Variants in DTNA observed in about 807,000 individuals in gnomAD.
DTNA encodes the protein dystrophin-related protein 3.
Under a neutral mutation model 100.7 loss-of-function variants are expected in DTNA, and 43 were observed. The ratio of observed to expected loss-of-function variants is 0.43; its 90% confidence interval spans 0.33 to 0.55. The LOEUF is 0.55. Among genes scored for constraint, DTNA ranks in the 20% least tolerant of loss-of-function variants. The pLI is 0.04. For missense variants in DTNA, 798 were observed against 953.9 expected (o/e 0.84, Z 2.15); for synonymous variants, 349 against 347.9 (o/e 1.00, Z -0.04).
At chr18:34,853,664 A>G (rs893714799) in intron 15 of DTNA, among the ~76,000 whole-genome samples, 2 of 152,170 alleles carry the variant, frequency 1.3e-5, no homozygotes, top group African/African-American at 4.8e-5. Flanking sequence ...AAAAAAATTT[A>G]AAAATAAAAT....
At chr18:34,843,362 T>A (rs1018869393) in intron 13 of DTNA, among the ~76,000 whole-genome samples, 9 of 152,148 alleles carry the variant, frequency 5.9e-5, no homozygotes, top group Admixed American at 2.0e-4. Flanking sequence ...AATTTTTTTT[T>A]AATTTTAATG....
At chr18:34,630,483 A>G (rs1281882240) in intron 1 of DTNA, among the ~76,000 whole-genome samples, 2 of 152,204 alleles carry the variant, frequency 1.3e-5, no homozygotes, top group Non-Finnish European at 2.9e-5. Flanking sequence ...AAGAAAATGA[A>G]GAGTTGGGAA....
intron 17 of DTNA, chr18:34,866,955 G>A: frequency 8.6e-7 from 1 of 1,165,904 alleles, no homozygotes; most frequent in South Asian, 4.4e-5. Context: ...TCAGGCTCAA[G>A]AGCCAGCAGG....
intron 1 of DTNA, among the ~76,000 whole-genome samples, chr18:34,647,122 T>C (rs1018328330): frequency 2.6e-5 from 4 of 151,866 alleles, no homozygotes; most frequent in Non-Finnish European, 4.4e-5. Flanking sequence ...ATGGTTCCTC[T>C]TTAGGAAGCA....
At chr18:34,820,944 GA>G in intron 9 of DTNA, 29 bp downstream of exon 9, 1 of 1,609,120 alleles carries the variant, frequency 6.2e-7, no homozygotes, top group Non-Finnish European at 8.5e-7. Context: ...CCAGTATAGA[GA>G]CAATTTTCTT....
At chr18:34,855,597 T>G (rs1300287900) in intron 15 of DTNA, among the ~76,000 whole-genome samples, 5 of 152,226 alleles carry the variant, frequency 3.3e-5, no homozygotes, top group African/African-American at 1.2e-4. Flanking sequence ...CTCTTGTTCT[T>G]TCCTTCCTCC....
Position 34,713,806 on chromosome 18 carries a change from G to C in DTNA, c.-2+3361G>C, listed in dbSNP as rs954964712. ...TCCTCTTTTATTTCCTTGAGCAGTG[G>C]TTTGTAGTTCTCCTTGAAGAGGTCC... On this transcript the variant is annotated intron_variant, in intron 1 of 22. Coordinates refer to ENST00000444659, the MANE Select transcript of DTNA (RefSeq NM_001386795.1). Among the ~76,000 whole-genome samples the C allele has an allele frequency of 2.6e-5, 4 of 151,984 alleles. No individual in the cohort carries two copies. In the South Asian group the frequency reaches 8.3e-4, roughly 32 times the overall value.
At chr18:34,627,850 G>T (rs1315849866) in intron 1 of DTNA, among the ~76,000 whole-genome samples, 2 of 152,134 alleles carry the variant, frequency 1.3e-5, no homozygotes, top group Non-Finnish European at 2.9e-5. Flanking sequence ...TTCAATTTTT[G>T]ACTTCCCAGT....
chr18:34,674,549 A>G (rs1049431550), intron 1 of DTNA, among the ~76,000 whole-genome samples: 2 of 152,168 alleles, frequency 1.3e-5, no homozygotes, highest in Admixed American at 6.5e-5. Context: ...TCCAAGGGCC[A>G]TGATTCCAAA....
Position 34,794,155 on chromosome 18 carries a change from T to C in DTNA, c.267T>C (p.Phe89=), listed in dbSNP as rs2149041135. ...TAGAGGCTGTGCTCTCCACTATTTT[T>C]TACCAGCTCAACAAACGGATGCCAA... ...SRLEAVLSTI[F]YQLNKRMPTT... Residue 89 remains phenylalanine (F), a synonymous_variant, in exon 4 of 23, where the codon TTT becomes TTC. Coordinates refer to ENST00000444659, the MANE Select transcript of DTNA (RefSeq NM_001386795.1). 2 of 1,614,136 alleles carry C rather than the reference T, an allele frequency of 1.2e-6. No individual in the cohort carries two copies. Among genetic ancestry groups the C allele is most frequent in the Non-Finnish European group, 1.7e-6 (2 of 1,180,012 alleles).
intron 1 of DTNA, among the ~76,000 whole-genome samples, chr18:34,750,929 C>G (rs1363068540): frequency 6.6e-6 from 1 of 152,208 alleles, no homozygotes; most frequent in Non-Finnish European, 1.5e-5. Flanking sequence ...CACATTTCTT[C>G]TAACACTGTA....
At chr18:34,546,879 T>G (rs2044842871) in intron 1 of DTNA, among the ~76,000 whole-genome samples, 1 of 151,930 alleles carries the variant, frequency 6.6e-6, no homozygotes, top group African/African-American at 2.4e-5. Flanking sequence ...CTGGCTAATT[T>G]TTGTACTTTT....
chr18:34,543,803 A>T (rs1234921949), intron 1 of DTNA, among the ~76,000 whole-genome samples: 1 of 152,130 alleles, frequency 6.6e-6, no homozygotes, highest in East Asian at 1.9e-4. Context: ...AAACAATTGG[A>T]ATTTAATATT....
At chr18:34,635,067 A>G (rs1318728579) in intron 1 of DTNA, among the ~76,000 whole-genome samples, 4 of 151,976 alleles carry the variant, frequency 2.6e-5, no homozygotes, top group Non-Finnish European at 2.9e-5. Context: ...ATTCTATTCT[A>G]CATTTCTGTG....
chr18:34,867,560 C>A lies in DTNA; in HGVS notation c.1743+3498C>A, dbSNP rs2096719280. 4 of 1,108,940 alleles carry A rather than the reference C, an allele frequency of 3.6e-6. No homozygotes were observed. The African/African-American group carries it at 6.5e-5, about 18-fold the overall frequency. 68.7% of individuals were successfully genotyped at this position (1,108,940 alleles called of 1,614,324 possible). On this transcript the variant is annotated intron_variant, in intron 17 of 22. Transcript: ENST00000444659. Reference sequence around the variant, plus strand: ...GCAAATGGCTTCTTTCCTCTCCTGTCTCTTATTTAGCATGTGCATAGAAAA... The same window carrying A: ...GCAAATGGCTTCTTTCCTCTCCTGTATCTTATTTAGCATGTGCATAGAAAA...
At chr18:34,624,641 A>G (rs2057053372) in intron 1 of DTNA, among the ~76,000 whole-genome samples, 1 of 152,244 alleles carries the variant, frequency 6.6e-6, no homozygotes, top group Non-Finnish European at 1.5e-5. Flanking sequence ...AATTTAATAG[A>G]AACTTAATTA....
At chr18:34,626,846 T>C (rs2057386627) in intron 1 of DTNA, among the ~76,000 whole-genome samples, 1 of 152,228 alleles carries the variant, frequency 6.6e-6, no homozygotes, top group South Asian at 2.1e-4. Flanking sequence ...TTATTTATTG[T>C]TTAAGGGTGT....
chr18:34,521,892 C>CT (rs1221186255), intron 1 of DTNA, among the ~76,000 whole-genome samples: 1 of 152,164 alleles, frequency 6.6e-6, no homozygotes, highest in African/African-American at 2.4e-5. Context: ...TGTTCATTGT[C>CT]TCTCTCCCCC....
intron 1 of DTNA, among the ~76,000 whole-genome samples, chr18:34,573,691 G>T (rs1199670707): frequency 6.6e-6 from 1 of 152,152 alleles, no homozygotes; most frequent in Admixed American, 6.5e-5. Flanking sequence ...CCTCATGTAG[G>T]TATCATTTTT....
Sources: gnomAD v4.1 joint callset for allele counts (sites outside exome capture counted in the v4.1 genomes callset) on GRCh38, gnomAD v4.1.1 for gene constraint, MANE v1.5 for transcripts, NCBI Gene and HGNC (gene_info 2026-07-23, HGNC 2026-07-21) for gene names.